The following RECQL variants were observed in gnomAD, a reference collection of about 807,000 sequenced individuals.
RECQL encodes ATP-dependent DNA helicase Q1.
RECQL carries 73 observed loss-of-function variants against 75.8 expected under a neutral mutation model. That is an observed-to-expected ratio of 0.96 (90% CI 0.80 to 1.17). The LOEUF (loss-of-function observed/expected upper bound fraction) is 1.17, where lower values mean the gene tolerates loss of function less well. Among genes scored for constraint, RECQL ranks in the 50% most tolerant of loss-of-function variants. RECQL has a pLI of 0.00. For missense variants in RECQL, 699 were observed against 772.1 expected (o/e 0.91, Z 1.12); for synonymous variants, 248 against 254.4 (o/e 0.97, Z 0.24).
chr12:21,499,433 T>C (rs1943565011), intron 2 of RECQL, 122 bp downstream of exon 2: 1 of 905,728 alleles, frequency 1.1e-6, no homozygotes, highest in Non-Finnish European at 1.7e-6. Flanking sequence ...TGTATTTTAC[T>C]TCAATAAAAA....
intron 2 of RECQL, among the ~76,000 whole-genome samples, chr12:21,498,340 G>A (rs543935472): frequency 1.3e-5 from 2 of 152,222 alleles, no homozygotes; most frequent in African/African-American, 4.8e-5. Flanking sequence ...CACGATTCAC[G>A]GGAATCAGCG....
intron 2 of RECQL, among the ~76,000 whole-genome samples, chr12:21,494,912 C>T (rs1308787662): frequency 6.6e-6 from 1 of 152,154 alleles, no homozygotes; most frequent in Non-Finnish European, 1.5e-5. Flanking sequence ...GGGGGCTAAC[C>T]ATTGGCAATT....
At chr12:21,480,880 A>C (rs1943180149) in intron 6 of RECQL, among the ~76,000 whole-genome samples, 1 of 152,130 alleles carries the variant, frequency 6.6e-6, no homozygotes, top group Admixed American at 6.5e-5. Context: ...TCTAAGTCTT[A>C]TTTGTTCCAA....
chr12:21,473,439 G>T, intron 12 of RECQL, 112 bp downstream of exon 12: 2 of 779,046 alleles, frequency 2.6e-6, no homozygotes, highest in Non-Finnish European at 4.3e-6. Context: ...AGTACACTTT[G>T]ATGTTTGCAC....
intron 4 of RECQL, among the ~76,000 whole-genome samples, chr12:21,488,520 A>G (rs1298837320): frequency 6.6e-6 from 1 of 152,184 alleles, no homozygotes; most frequent in East Asian, 1.9e-4. Context: ...TACTCATAGG[A>G]CAATTCCACC....
At chr12:21,481,949 G>T (rs1276628414) in intron 6 of RECQL, among the ~76,000 whole-genome samples, 1 of 152,076 alleles carries the variant, frequency 6.6e-6, no homozygotes, top group East Asian at 1.9e-4. Flanking sequence ...CTCATCTGGG[G>T]GTGGGTCACC....
chr12:21,471,707 G>A lies in RECQL; in HGVS notation c.1448-60C>T. 3.0e-6 allele frequency: 4 copies of A among 1,328,846 alleles called. No homozygotes were observed. In the Admixed American group the frequency reaches 5.1e-5, roughly 17 times the overall value. 82.3% of individuals were successfully genotyped at this position (1,328,846 alleles called of 1,614,324 possible). ...GATTTAGAAATGAGGGCAAAGATAG[G>A]CTATCTTAAGTAGTTAAACTGGTTT... On this transcript the variant is annotated intron_variant, in intron 12 of 14. Coordinates refer to ENST00000444129, the MANE Select transcript of RECQL (RefSeq NM_002907.4).
chr12:21,483,584 GA>G lies in RECQL; in HGVS notation c.502-11del, dbSNP rs1447402152. 3 of 1,542,264 alleles carry G rather than the reference GA, an allele frequency of 1.9e-6. No homozygotes were observed. The highest frequency in any genetic ancestry group is 2.3e-5 in the Admixed American group (1 of 44,202). On this transcript the variant is annotated splice_polypyrimidine_tract_variant and intron_variant, in intron 5 of 14. Transcript: ENST00000444129. ...CCCATTTAACATGCTCCTATTAAAA[GA>G]AAAAAATAGACACAATGATAGTAAA...
chr12:21,501,634 A>G lies in RECQL; in HGVS notation c.-510T>C, dbSNP rs1943624259. On this transcript the variant is annotated 5_prime_UTR_variant, in exon 1 of 15. Transcript: ENST00000444129. Reference sequence around the variant, plus strand: ...TCCCGCCAGCCAGCTGAGAGCATCCACCCTTCCGGGTCGGTCCGTTCAGCC... The same window carrying G: ...TCCCGCCAGCCAGCTGAGAGCATCCGCCCTTCCGGGTCGGTCCGTTCAGCC... 1 of 445,346 alleles carries G rather than the reference A, an allele frequency of 2.2e-6. No individual in the cohort carries two copies. Among genetic ancestry groups the G allele is most frequent in the Non-Finnish European group, 4.1e-6 (1 of 246,526 alleles). 27.6% of individuals were successfully genotyped at this position (445,346 alleles called of 1,614,324 possible).
At chr12:21,485,411 A>G (rs2062261515) in intron 5 of RECQL, among the ~76,000 whole-genome samples, 2 of 151,938 alleles carry the variant, frequency 1.3e-5, no homozygotes, top group African/African-American at 4.8e-5. Flanking sequence ...AGGAAAATGT[A>G]GAAAGATACA....
intron 8 of RECQL, among the ~76,000 whole-genome samples, chr12:21,476,502 T>C (rs1415289287): frequency 2.6e-5 from 4 of 152,092 alleles, no homozygotes; most frequent in South Asian, 2.1e-4. Flanking sequence ...CTATTCAGTA[T>C]GTACTACTGG....
Position 21,474,591 on chromosome 12 carries a change from C to T in RECQL, c.1355+250G>A, listed in dbSNP as rs10492116. Among the ~76,000 whole-genome samples, 5,022 of 152,136 alleles carry T rather than the reference C, an allele frequency of 0.033. 118 individuals are homozygous for T. Among genetic ancestry groups the T allele is most frequent in the Middle Eastern group, 0.068 (20 of 294 alleles). ...CCAGAGAAAAAAAGCCTTCAAGTTG[C>T]TATCAATGTGTCTCAAAAACCTTCA... On this transcript the variant is annotated intron_variant, in intron 11 of 14. Transcript: ENST00000444129.
chr12:21,480,404 G>A (rs1454549876), intron 6 of RECQL, among the ~76,000 whole-genome samples: 5 of 152,192 alleles, frequency 3.3e-5, no homozygotes, highest in Admixed American at 2.0e-4. Context: ...TATGTAAGAC[G>A]TAGGTGCACA....
chr12:21,483,125 A>C (rs1435858559), intron 6 of RECQL, among the ~76,000 whole-genome samples: 2 of 152,224 alleles, frequency 1.3e-5, no homozygotes, highest in Non-Finnish European at 2.9e-5. Flanking sequence ...GTGGGGAATG[A>C]AACTAAACAT....
In RECQL at chr12:21,473,547, T is replaced by C. The variant is rs1327974809; in HGVS notation, c.1447+4A>G. 2.5e-6 allele frequency: 4 copies of C among 1,609,776 alleles called. No homozygotes were observed. Among genetic ancestry groups the C allele is most frequent in the Non-Finnish European group, 3.4e-6 (4 of 1,176,752 alleles). On this transcript the variant is annotated splice_donor_region_variant and intron_variant, in intron 12 of 14. Transcript: ENST00000444129. ...TATAAAGGTTTACAAAACAACAAAC[T>C]CACCACTGTCTTTACAGCAGTTATC...
rs909651505 is a variant in RECQL, at chr12:21,486,401, T to C, written c.501+78A>G. The C allele has an allele frequency of 7.6e-6, 11 of 1,446,856 alleles. No homozygotes were observed. The African/African-American group carries it at 1.5e-4, about 19-fold the overall frequency. The allele number at this position is 1,446,856 out of a possible 1,614,324, so 89.6% of individuals were successfully genotyped here. The stretch of plus-strand genomic sequence containing the variant: ...AAATAGTTAACAGTTTATAATTTTA[T>C]AAGCAACTCAACTGCAGGTAAAGCT... On this transcript the variant is annotated intron_variant, in intron 5 of 14. Transcript: ENST00000444129.
At chr12:21,475,411 A>G (rs978842409) in intron 10 of RECQL, 57 bp downstream of exon 10, 2 of 985,550 alleles carry the variant, frequency 2.0e-6, no homozygotes, top group Non-Finnish European at 3.2e-6. Context: ...AGCATTTATC[A>G]TGTATTTTTT....
At chr12:21,485,697 T>C (rs1427917378) in intron 5 of RECQL, among the ~76,000 whole-genome samples, 1 of 152,102 alleles carries the variant, frequency 6.6e-6, no homozygotes, top group African/African-American at 2.4e-5. Context: ...ATATGATGTC[T>C]GGAATTTGTT....
In RECQL at chr12:21,475,567, C is replaced by T. The variant is rs1319736970; in HGVS notation, c.1117G>A (p.Ala373Thr). The T allele has an allele frequency of 6.2e-7, 1 of 1,612,242 alleles. No individual in the cohort carries two copies. The highest frequency in any genetic ancestry group is 8.5e-7 in the Non-Finnish European group (1 of 1,179,038). ...NEIQVVVATVAFGMGIDKPDV... is the reference protein window; with the variant it reads ...NEIQVVVATVTFGMGIDKPDV... Reference sequence around the variant, plus strand: ...GGCTTATCAATTCCCATACCAAATGCAACAGTTGCCACTACTACCTGAAAT... The same window carrying T: ...GGCTTATCAATTCCCATACCAAATGTAACAGTTGCCACTACTACCTGAAAT... Residue 373 changes from alanine (A) to threonine (T), a missense_variant, in exon 10 of 15, where the codon GCA becomes ACA. By Grantham distance (58) the Ala-to-Thr change is moderately conservative (BLOSUM62 0). This residue lies in a region of RECQL where 669 missense variants were observed against 713.5 expected (regional missense o/e 0.94). Transcript: ENST00000444129.
Sources: allele counts gnomAD v4.1 joint callset (sites outside exome capture counted in the v4.1 genomes callset), GRCh38; gene constraint gnomAD v4.1.1; regional missense constraint gnomAD v4.1.1; transcripts MANE v1.5; gene names NCBI Gene and HGNC (gene_info 2026-07-23, HGNC 2026-07-21).